The following RABGAP1L variants were observed in gnomAD, a reference collection of about 807,000 sequenced individuals.
RABGAP1L encodes the protein RAB GTPase activating protein 1 like, also known as rab GTPase-activating protein 1-like.
Under a neutral mutation model 137.7 loss-of-function variants are expected in RABGAP1L, and 63 were observed. That is an observed-to-expected ratio of 0.46 (90% CI 0.37 to 0.56). The LOEUF is 0.56. Among genes scored for constraint, RABGAP1L ranks in the 20% least tolerant of loss-of-function variants. The probability of loss-of-function intolerance (pLI) is 0.00; values close to 1 mark genes in which losing one functional copy is unlikely to be tolerated. For synonymous variants in RABGAP1L, 431 were observed against 433.7 expected (o/e 0.99, Z 0.08); for missense variants, 1,095 against 1,244.0 (o/e 0.88, Z 1.80).
chr1:174,914,549 A>G (rs1660546455), intron 19 of RABGAP1L, among the ~76,000 whole-genome samples: 2 of 152,236 alleles, frequency 1.3e-5, no homozygotes, highest in Non-Finnish European at 2.9e-5. Context: ...ATGCATACAT[A>G]TGAGTCTGTA....
At chr1:174,185,765 A>G (rs1394122130) in intron 1 of RABGAP1L, among the ~76,000 whole-genome samples, 1 of 152,090 alleles carries the variant, frequency 6.6e-6, no homozygotes. Context: ...TGTCCTTGTA[A>G]TTGTACTTTG....
chr1:174,839,001 G>T (rs1216760837), intron 19 of RABGAP1L, among the ~76,000 whole-genome samples: 1 of 127,410 alleles, frequency 7.8e-6, no homozygotes, highest in Non-Finnish European at 1.6e-5. Flanking sequence ...TGACAAGTAA[G>T]TATGAGCTAA....
chr1:174,673,177 T>G (rs754529162), intron 14 of RABGAP1L, among the ~76,000 whole-genome samples: 10 of 152,028 alleles, frequency 6.6e-5, no homozygotes, highest in Non-Finnish European at 1.2e-4. Context: ...CTATATAAAT[T>G]AAATAAAATT....
intron 21 of RABGAP1L, 58 bp from the exon 22 acceptor site, chr1:174,976,020 A>G: frequency 7.0e-7 from 1 of 1,430,850 alleles, no homozygotes; most frequent in Non-Finnish European, 9.6e-7. Context: ...ATTTCCACAC[A>G]CTTTCTTTAC....
chr1:174,383,277 A>G (rs1686366772), intron 12 of RABGAP1L, among the ~76,000 whole-genome samples: 1 of 151,404 alleles, frequency 6.6e-6, no homozygotes, highest in South Asian at 2.1e-4. Context: ...GGTGGAGCCT[A>G]CAGAGGCAGG....
chr1:174,457,734 C>T (rs1377745255), intron 13 of RABGAP1L, among the ~76,000 whole-genome samples: 1 of 152,142 alleles, frequency 6.6e-6, no homozygotes, highest in African/African-American at 2.4e-5. Flanking sequence ...AACTCCTGAA[C>T]TCAAGTGATC....
intron 1 of RABGAP1L, among the ~76,000 whole-genome samples, chr1:174,195,733 T>C: frequency 7.4e-6 from 1 of 135,370 alleles, no homozygotes; most frequent in African/African-American, 3.0e-5. Flanking sequence ...TTTCTTTCTT[T>C]TCTTTCTTTC....
chr1:174,188,775 G>T (rs922091871), intron 1 of RABGAP1L, among the ~76,000 whole-genome samples: 1 of 152,122 alleles, frequency 6.6e-6, no homozygotes, highest in South Asian at 2.1e-4. Context: ...AGTAAACAGT[G>T]CTCTAAGCAG....
rs188976645 is a variant in RABGAP1L at position 174,561,823 on chromosome 1, C to A, written c.1711-75552C>A. 1.3e-5 allele frequency among the ~76,000 whole-genome samples: 2 copies of A among 152,204 alleles called. 1 individual carries two copies. The highest frequency in any genetic ancestry group is 2.9e-5 in the Non-Finnish European group (2 of 68,028). On this transcript the variant is annotated intron_variant, in intron 13 of 25. Transcript: ENST00000681986. The stretch of plus-strand genomic sequence containing the variant: ...CCATAAGCAGAAAACTGAAACTGAA[C>A]CCCTTCCTTACACCTTATACAAAAA...
chr1:174,543,099 G>C (rs1166027249), intron 13 of RABGAP1L, among the ~76,000 whole-genome samples: 1 of 152,192 alleles, frequency 6.6e-6, no homozygotes, highest in Non-Finnish European at 1.5e-5. Flanking sequence ...TTCTGTAGGT[G>C]TCTATTAGAT....
intron 13 of RABGAP1L, among the ~76,000 whole-genome samples, chr1:174,424,932 A>G (rs1011722556): frequency 2.0e-5 from 3 of 152,088 alleles, no homozygotes; most frequent in African/African-American, 7.2e-5. Flanking sequence ...ATCTTTAAGC[A>G]TTTAGAACAG....
chr1:174,686,986 T>G (rs1358587715), intron 15 of RABGAP1L, among the ~76,000 whole-genome samples: 1 of 151,938 alleles, frequency 6.6e-6, no homozygotes, highest in Non-Finnish European at 1.5e-5. Context: ...CATACCGTAG[T>G]TTAGCATTTT....
chr1:174,524,294 C>G (rs766234797), intron 13 of RABGAP1L, among the ~76,000 whole-genome samples: 3 of 151,778 alleles, frequency 2.0e-5, no homozygotes, highest in Non-Finnish European at 4.4e-5. Flanking sequence ...TTCCTTTTCT[C>G]CAGATCTTTG....
chr1:174,406,441 T>A (rs1406271692), intron 13 of RABGAP1L, among the ~76,000 whole-genome samples: 2 of 152,222 alleles, frequency 1.3e-5, no homozygotes, highest in African/African-American at 4.8e-5. Context: ...AGGAGTATAC[T>A]GTTTTGAAGA....
chr1:174,620,265 A>G (rs868032256), intron 13 of RABGAP1L, among the ~76,000 whole-genome samples: 84 of 152,230 alleles, frequency 5.5e-4, no homozygotes, highest in Non-Finnish European at 9.6e-4. Context: ...AATTGAACTC[A>G]GCTCTGCACC....
chr1:174,493,571 G>A (rs1216309757), intron 13 of RABGAP1L, among the ~76,000 whole-genome samples: 1 of 151,856 alleles, frequency 6.6e-6, no homozygotes, highest in Non-Finnish European at 1.5e-5. Context: ...TGTAATCCTA[G>A]CACTTTGGGA....
intron 1 of RABGAP1L, among the ~76,000 whole-genome samples, chr1:174,214,473 A>G (rs530886725): frequency 6.6e-6 from 1 of 152,234 alleles, no homozygotes; most frequent in Non-Finnish European, 1.5e-5. Flanking sequence ...CTTCACAGAA[A>G]TAGAAAAAAA....
chr1:174,895,547 C>T (rs1465722333), intron 19 of RABGAP1L, among the ~76,000 whole-genome samples: 1 of 151,360 alleles, frequency 6.6e-6, no homozygotes, highest in African/African-American at 2.4e-5. Context: ...CAACCATTAA[C>T]TTGTCGTTTA....
intron 1 of RABGAP1L, among the ~76,000 whole-genome samples, chr1:174,210,502 T>C (rs1471963487): frequency 2.0e-5 from 3 of 152,154 alleles, no homozygotes; most frequent in Non-Finnish European, 4.4e-5. Context: ...GAAGGAAGAA[T>C]TTGTGAACTT....
Sources: gnomAD v4.1 joint callset for allele counts (sites outside exome capture counted in the v4.1 genomes callset) on GRCh38, gnomAD v4.1.1 for gene constraint, MANE v1.5 for transcripts, NCBI Gene and HGNC (gene_info 2026-07-23, HGNC 2026-07-21) for gene names.